Variants in CTSB observed in about 807,000 individuals in gnomAD.
The protein encoded by CTSB is APP secretase.
In CTSB, 57 loss-of-function variants were observed where a neutral mutation model predicts 44.3. That is an observed-to-expected ratio of 1.29 (90% CI 1.04 to 1.60). The LOEUF (loss-of-function observed/expected upper bound fraction) is 1.60. Among genes scored for constraint, CTSB ranks in the 40% most tolerant of loss-of-function variants. The probability of loss-of-function intolerance (pLI) is 0.00; values close to 1 mark genes in which losing one functional copy is unlikely to be tolerated. For synonymous variants in CTSB, 320 were observed against 168.0 expected (o/e 1.91, Z -7.00); for missense variants, 768 against 443.0 (o/e 1.73, Z -6.59).
chr8:11,867,292 C>G (rs893320832), intron 1 of CTSB: 3 of 152,266 alleles, frequency 2.0e-5, no homozygotes, highest in African/African-American at 7.2e-5. Flanking sequence ...TGCCCGGCCT[C>G]CCTTTACTGG....
intron 4 of CTSB, 167 bp downstream of exon 4, chr8:11,850,699 C>T: frequency 5.8e-6 from 3 of 516,812 alleles, no homozygotes; most frequent in Non-Finnish European, 7.0e-6. Context: ...TCCTCGCCAT[C>T]ATTCATGGCC....
chr8:11,861,026 T>C (rs754740025), intron 1 of CTSB, among the ~76,000 whole-genome samples: 12 of 152,242 alleles, frequency 7.9e-5, no homozygotes, highest in Non-Finnish European at 1.0e-4. Context: ...TTTTTGAGTA[T>C]GAATCACAGC....
chr8:11,848,265 C>A, intron 5 of CTSB, 113 bp from the exon 6 acceptor site: 1 of 904,448 alleles, frequency 1.1e-6, no homozygotes, highest in Non-Finnish European at 1.8e-6. Flanking sequence ...CCAGCTGCAG[C>A]AAGTGGTGCG....
intron 3 of CTSB, 89 bp downstream of exon 3, chr8:11,852,521 C>A: frequency 9.9e-7 from 1 of 1,013,630 alleles, no homozygotes; most frequent in Admixed American, 2.2e-5. Context: ...CCTGCGGACG[C>A]CAGAGAGGCC....
rs746952344 is a variant in CTSB, at chr8:11,847,731, G to A, written c.624C>T (p.Ser208=). Residue 208 remains serine (S), a synonymous_variant, in exon 7 of 10, where the codon AGC becomes AGT. Coordinates refer to ENST00000353047, the MANE Select transcript of CTSB (RefSeq NM_001908.5). ...GGCTGTAGCCAGGCTCACAGATCTT[G>A]CTACACTTGGGGGTATCTCCCTCCC... The part of the protein sequence containing the change: ...CTGEGDTPKC[S]KICEPGYSPT... 1.3e-6 allele frequency: 2 copies of A among 1,599,296 alleles called. No individual in the cohort carries two copies. The highest frequency in any genetic ancestry group is 1.3e-5 in the African/African-American group (1 of 74,136).
intron 8 of CTSB, among the ~76,000 whole-genome samples, chr8:11,846,810 C>G (rs1167289872): frequency 6.6e-6 from 1 of 152,106 alleles, no homozygotes; most frequent in South Asian, 2.1e-4. Flanking sequence ...AAGGAACTAG[C>G]CCAGAGGCTC....
intron 5 of CTSB, chr8:11,848,533 C>G (rs964895070): frequency 2.7e-6 from 1 of 371,186 alleles, no homozygotes; most frequent in East Asian, 6.7e-5. Context: ...CCAGTGATTC[C>G]CATTTAACTA....
At chr8:11,860,345 G>A (rs956988306) in intron 1 of CTSB, among the ~76,000 whole-genome samples, 24 of 152,112 alleles carry the variant, frequency 1.6e-4, no homozygotes, top group Non-Finnish European at 4.4e-5. Context: ...AAAGTTGGCC[G>A]GGCACAGTGG....
intron 1 of CTSB, among the ~76,000 whole-genome samples, chr8:11,865,955 G>A (rs1817072185): frequency 6.7e-6 from 1 of 149,832 alleles, no homozygotes; most frequent in African/African-American, 2.5e-5. Context: ...AGAGGCGGAG[G>A]TGGCAGTGAA....
intron 1 of CTSB, among the ~76,000 whole-genome samples, chr8:11,864,121 T>C (rs1816783713): frequency 6.6e-6 from 1 of 152,058 alleles, no homozygotes; most frequent in African/African-American, 2.4e-5. Flanking sequence ...CCATGTAGTG[T>C]AACTGAAGTC....
chr8:11,862,914 G>T (rs149194121), intron 1 of CTSB, among the ~76,000 whole-genome samples: 1 of 152,238 alleles, frequency 6.6e-6, no homozygotes, highest in Admixed American at 6.5e-5. Context: ...GGTGATGCTA[G>T]ATTATCTTGA....
intron 5 of CTSB, chr8:11,848,551 G>C (rs1586107573): frequency 2.8e-6 from 1 of 352,988 alleles, no homozygotes; most frequent in Admixed American, 3.8e-5. Flanking sequence ...CTAGTTAGGG[G>C]AGAAGCCCAT....
chr8:11,849,665 A>T (rs2740594), intron 4 of CTSB: 1 of 151,464 alleles, frequency 6.6e-6, no homozygotes, highest in Non-Finnish European at 1.5e-5. Flanking sequence ...ACTGCAACCT[A>T]CGCCTCCTGG....
Position 11,844,949 on chromosome 8 carries a change from T to C in CTSB, c.*176A>G, listed in dbSNP as rs1812982823. The C allele has an allele frequency of 1.6e-6, 1 of 608,278 alleles. No individual in the cohort carries two copies. The highest frequency in any genetic ancestry group is 2.8e-5 in the East Asian group (1 of 36,204). 37.7% of individuals were successfully genotyped at this position (608,278 alleles called of 1,614,324 possible). On this transcript the variant is annotated 3_prime_UTR_variant, in exon 10 of 10. Coordinates refer to ENST00000353047, the MANE Select transcript of CTSB (RefSeq NM_001908.5). The stretch of plus-strand genomic sequence containing the variant: ...TGGCTCACATGGCCTGTCTGCACTG[T>C]AACCACAGGCTGGGATGTAGCCAGG...
At chr8:11,863,243 G>A (rs1816676515) in intron 1 of CTSB, among the ~76,000 whole-genome samples, 1 of 152,194 alleles carries the variant, frequency 6.6e-6, no homozygotes, top group South Asian at 2.1e-4. Flanking sequence ...GGCAGATCAT[G>A]AGCTCAGGAG....
At chr8:11,862,993 C>T (rs140542070) in intron 1 of CTSB, among the ~76,000 whole-genome samples, 2,515 of 152,240 alleles carry the variant, frequency 0.017, 37 homozygotes, top group Non-Finnish European at 0.026. Context: ...AGCCACACAT[C>T]CTTCTCAGCA....
chr8:11,864,693 A>G (rs894168335), intron 1 of CTSB, among the ~76,000 whole-genome samples: 4 of 152,124 alleles, frequency 2.6e-5, no homozygotes, highest in African/African-American at 4.8e-5. Flanking sequence ...ACAGTGACTC[A>G]CACCTGTAAT....
At chr8:11,859,043 T>C (rs1267140364) in intron 1 of CTSB, among the ~76,000 whole-genome samples, 3 of 152,116 alleles carry the variant, frequency 2.0e-5, no homozygotes, top group African/African-American at 7.2e-5. Context: ...TGCGAGCAGA[T>C]GTCATCTCTA....
At position 11,844,304 on chromosome 8, in the gene CTSB, C is replaced by T; in HGVS notation, c.*821G>A. ...AGGCAGTGACAAAGGATCTGAGATC[C>T]CATCAGAGTAGACTTCAAGTTGGAG... On this transcript the variant is annotated 3_prime_UTR_variant, in exon 10 of 10. Transcript: ENST00000353047. 1 of 152,204 alleles carries T rather than the reference C, an allele frequency of 6.6e-6. No individual in the cohort carries two copies. Among genetic ancestry groups the T allele is most frequent in the East Asian group, 1.9e-4 (1 of 5,200 alleles). The allele number at this position is 152,204 out of a possible 1,614,324, so 9.4% of individuals were successfully genotyped here. A position where few individuals can be genotyped will look rare whatever the true frequency, so the allele number is the denominator to read the frequency against.
Sources: gnomAD v4.1 joint callset for allele counts (sites outside exome capture counted in the v4.1 genomes callset) on GRCh38, gnomAD v4.1.1 for gene constraint, MANE v1.5 for transcripts, NCBI Gene and HGNC (gene_info 2026-07-23, HGNC 2026-07-21) for gene names.